SND1: variants seen among roughly 807,000 people sequenced by gnomAD.
SND1 encodes the protein staphylococcal nuclease and tudor domain containing 1, also known as staphylococcal nuclease domain-containing protein 1.
A neutral mutation model predicts 121.7 loss-of-function variants in SND1; 38 were observed. That is an observed-to-expected ratio of 0.31 (90% CI 0.24 to 0.41). The LOEUF (loss-of-function observed/expected upper bound fraction) is 0.41. Among genes scored for constraint, SND1 ranks in the 10% least tolerant of loss-of-function variants. SND1 has a pLI of 1.00. For synonymous variants in SND1, 401 were observed against 447.4 expected (o/e 0.90, Z 1.31); for missense variants, 868 against 1,184.6 (o/e 0.73, Z 3.92).
intron 15 of SND1, among the ~76,000 whole-genome samples, chr7:127,988,275 G>A (rs1296604171): frequency 6.6e-6 from 1 of 152,152 alleles, no homozygotes; most frequent in African/African-American, 2.4e-5. Flanking sequence ...ACCTTAGTCT[G>A]GGAATAGATT....
intron 15 of SND1, among the ~76,000 whole-genome samples, chr7:127,944,841 A>G (rs1395898231): frequency 6.6e-6 from 1 of 152,198 alleles, no homozygotes; most frequent in Non-Finnish European, 1.5e-5. Context: ...AACTTTTCAG[A>G]GGGTAATGCC....
chr7:127,736,134 A>C (rs952727544), intron 10 of SND1, among the ~76,000 whole-genome samples: 1 of 152,144 alleles, frequency 6.6e-6, no homozygotes, highest in Admixed American at 6.5e-5. Context: ...ATTTTCATTC[A>C]TTATTTTCAC....
chr7:127,840,460 A>C (rs1798944055), intron 11 of SND1, among the ~76,000 whole-genome samples: 1 of 152,170 alleles, frequency 6.6e-6, no homozygotes, highest in African/African-American at 2.4e-5. Flanking sequence ...TGTATTCGTA[A>C]AATACTTGCA....
At chr7:127,750,598 A>G (rs1797071922) in intron 10 of SND1, among the ~76,000 whole-genome samples, 1 of 151,982 alleles carries the variant, frequency 6.6e-6, no homozygotes, top group Non-Finnish European at 1.5e-5. Flanking sequence ...AGTGTTTTGG[A>G]TTTTTTTGGA....
chr7:127,926,763 T>TAG (rs760000579), intron 14 of SND1, among the ~76,000 whole-genome samples: 5,402 of 151,116 alleles, frequency 0.036, 319 homozygotes, highest in African/African-American at 0.12. Context: ...GTTGTTGTTG[T>TAG]TGTACTTTTA....
At chr7:127,789,720 C>G (rs1233446072) in intron 10 of SND1, among the ~76,000 whole-genome samples, 2 of 152,172 alleles carry the variant, frequency 1.3e-5, no homozygotes, top group Non-Finnish European at 2.9e-5. Flanking sequence ...TGATAGCATG[C>G]TGATTCATTT....
At chr7:127,705,223 G>A (rs1314652898) in intron 8 of SND1, among the ~76,000 whole-genome samples, 1 of 152,076 alleles carries the variant, frequency 6.6e-6, no homozygotes, top group Non-Finnish European at 1.5e-5. Flanking sequence ...CAAGCCCCTT[G>A]CTTAAGTTCT....
intron 16 of SND1, among the ~76,000 whole-genome samples, chr7:128,039,140 C>T (rs933741779): frequency 6.6e-6 from 1 of 152,226 alleles, no homozygotes; most frequent in Admixed American, 6.5e-5. Context: ...TTTACTCTCC[C>T]CACAACCTAA....
chr7:128,079,532 G>T (rs1219777631), intron 17 of SND1, among the ~76,000 whole-genome samples: 1 of 152,240 alleles, frequency 6.6e-6, no homozygotes, highest in Non-Finnish European at 1.5e-5. Context: ...CATACCAGGG[G>T]CCCACAAGCC....
At chr7:127,671,272 A>G (rs577483784) in intron 1 of SND1, among the ~76,000 whole-genome samples, 42 of 152,354 alleles carry the variant, frequency 2.8e-4, no homozygotes, top group African/African-American at 9.9e-4. Flanking sequence ...AGTTAGAATA[A>G]TAGAGATAAC....
intron 16 of SND1, among the ~76,000 whole-genome samples, chr7:128,067,696 T>C (rs1584771124): frequency 6.6e-6 from 1 of 152,262 alleles, no homozygotes; most frequent in Middle Eastern, 3.4e-3. Flanking sequence ...TCAGTAATTT[T>C]CTGTACTGCC....
chr7:127,735,737 GT>G (rs1223125440), intron 10 of SND1, among the ~76,000 whole-genome samples: 1 of 151,912 alleles, frequency 6.6e-6, no homozygotes, highest in African/African-American at 2.4e-5. Context: ...AGTGATTCTC[GT>G]GCCTCAGCCT....
At chr7:128,028,436 T>C (rs1803541500) in intron 16 of SND1, 2 of 405,130 alleles carry the variant, frequency 4.9e-6, no homozygotes, top group South Asian at 4.5e-5. Flanking sequence ...AGTTAACTTG[T>C]GGCTTGTACC....
At chr7:127,702,549 G>T (rs369691963) in intron 6 of SND1, 23 bp downstream of exon 6, 6 of 1,597,330 alleles carry the variant, frequency 3.8e-6, no homozygotes, top group East Asian at 4.5e-5. Context: ...TCTTGGCTAC[G>T]TGGTGGGTTT....
At chr7:128,035,713 G>C (rs1023698864) in intron 16 of SND1, among the ~76,000 whole-genome samples, 1 of 152,226 alleles carries the variant, frequency 6.6e-6, no homozygotes, top group Non-Finnish European at 1.5e-5. Context: ...TACTTTGCTG[G>C]ATTGGGATAA....
At chr7:128,034,264 G>C (rs1023111288) in intron 16 of SND1, among the ~76,000 whole-genome samples, 4 of 152,176 alleles carry the variant, frequency 2.6e-5, no homozygotes, top group African/African-American at 9.7e-5. Context: ...TGAAGGGTAG[G>C]AGACGGGCTG....
chr7:127,974,148 T>G (rs1802061957), intron 15 of SND1, among the ~76,000 whole-genome samples: 1 of 152,050 alleles, frequency 6.6e-6, no homozygotes, highest in Non-Finnish European at 1.5e-5. Context: ...TTGTGTGGAG[T>G]TATTTTGAGA....
intron 16 of SND1, among the ~76,000 whole-genome samples, chr7:128,058,585 A>G (rs368716302): frequency 1.3e-5 from 2 of 152,202 alleles, no homozygotes; most frequent in South Asian, 2.1e-4. Flanking sequence ...GGCACAAAGC[A>G]TTTTGCTTCT....
At chr7:127,795,416 G>C (rs1423349049) in intron 10 of SND1, among the ~76,000 whole-genome samples, 1 of 152,106 alleles carries the variant, frequency 6.6e-6, no homozygotes, top group Non-Finnish European at 1.5e-5. Flanking sequence ...GAGGAAGCTA[G>C]TTCTTTTGAA....
Sources: gnomAD v4.1 joint callset for allele counts (sites outside exome capture counted in the v4.1 genomes callset) on GRCh38, gnomAD v4.1.1 for gene constraint, MANE v1.5 for transcripts, NCBI Gene and HGNC (gene_info 2026-07-23, HGNC 2026-07-21) for gene names.